Variants in SLCO6A1 observed in about 807,000 individuals in gnomAD.
SLCO6A1 encodes solute carrier organic anion transporter family member 6A1.
SLCO6A1 carries 65 observed loss-of-function variants against 72.7 expected under a neutral mutation model. That is an observed-to-expected ratio of 0.89 (90% confidence interval 0.73 to 1.10). SLCO6A1 has a LOEUF of 1.10. Ranked by LOEUF, SLCO6A1 falls within the 50% of genes least tolerant of loss-of-function variation. The probability of loss-of-function intolerance (pLI) is 0.00; values close to 1 mark genes in which losing one functional copy is unlikely to be tolerated. For missense variants in SLCO6A1, 874 were observed against 872.6 expected (o/e 1.00, Z -0.02); for synonymous variants, 314 against 298.2 (o/e 1.05, Z -0.55).
At chr5:102,450,928 G>T (rs1363765996) in intron 6 of SLCO6A1, among the ~76,000 whole-genome samples, 3 of 152,130 alleles carry the variant, frequency 2.0e-5, no homozygotes, top group Non-Finnish European at 2.9e-5. Flanking sequence ...GATAGTAACC[G>T]TGGTACCACT....
chr5:102,448,633 T>A (rs1750247278), intron 6 of SLCO6A1, among the ~76,000 whole-genome samples: 1 of 152,188 alleles, frequency 6.6e-6, no homozygotes. Context: ...TGCCCCCCTT[T>A]GTCCTTTTTG....
chr5:102,409,086 A>G (rs1263837092), intron 9 of SLCO6A1, among the ~76,000 whole-genome samples: 1 of 152,196 alleles, frequency 6.6e-6, no homozygotes, highest in African/African-American at 2.4e-5. Flanking sequence ...TAATATCTAT[A>G]TAAAGAAATT....
intron 6 of SLCO6A1, among the ~76,000 whole-genome samples, chr5:102,455,918 G>A (rs1750686694): frequency 6.6e-6 from 1 of 152,124 alleles, no homozygotes; most frequent in African/African-American, 2.4e-5. Context: ...TGATCAAGTG[G>A]GCTTCATCCC....
At chr5:102,487,915 A>C (rs138337221) in intron 1 of SLCO6A1, among the ~76,000 whole-genome samples, 42 of 152,330 alleles carry the variant, frequency 2.8e-4, no homozygotes, top group African/African-American at 9.6e-4. Flanking sequence ...ACCACTGTAA[A>C]ACAAGACCAA....
chr5:102,493,636 C>A (rs1184049018), intron 1 of SLCO6A1, among the ~76,000 whole-genome samples: 11 of 152,000 alleles, frequency 7.2e-5, no homozygotes, highest in Admixed American at 7.2e-4. Context: ...TACCAGGGAG[C>A]CTAGCCAGTG....
At chr5:102,478,535 C>G (rs560360873) in intron 2 of SLCO6A1, among the ~76,000 whole-genome samples, 8 of 152,134 alleles carry the variant, frequency 5.3e-5, no homozygotes, top group Non-Finnish European at 7.3e-5. Context: ...AGGCATTATA[C>G]AGTAAACATT....
Position 102,459,643 on chromosome 5 carries a change from A to T in SLCO6A1, c.1021+13T>A. 1.3e-6 allele frequency: 2 copies of T among 1,575,488 alleles called. No homozygotes were observed. The highest frequency in any genetic ancestry group is 2.4e-5 in the South Asian group (2 of 84,362). ...ACTATCCTCCAATTTAATAAATTAC[A>T]TTTTATAGTCACCTGGCATATTGTT... is the stretch of plus-strand genomic sequence containing the variant. On this transcript the variant is annotated intron_variant, in intron 5 of 13. Transcript: ENST00000506729.
chr5:102,373,453 C>T lies in SLCO6A1; in HGVS notation c.2059G>A (p.Ala687Thr). Residue 687 changes from alanine (A) to threonine (T), a missense_variant, in exon 13 of 14, where the codon GCA becomes ACA. Transcript: ENST00000506729. ...AGACGACGTTTGTATATGAAAAATG[C>T]AATAGTAGTGAAGATGATAGTGCAT... ...KLCTIIFTTI[A>T]FFIYKRRLNE... 1 of 1,568,084 alleles carries T rather than the reference C, an allele frequency of 6.4e-7. No homozygotes were observed. Among genetic ancestry groups the T allele is most frequent in the Non-Finnish European group, 8.6e-7 (1 of 1,159,034 alleles).
chr5:102,401,996 C>T (rs1200013716), intron 9 of SLCO6A1, among the ~76,000 whole-genome samples: 3 of 151,804 alleles, frequency 2.0e-5, no homozygotes, highest in Non-Finnish European at 4.4e-5. Flanking sequence ...AAAAATACAA[C>T]GAAGGGTTCA....
At chr5:102,414,031 C>T (rs1268112619) in intron 8 of SLCO6A1, among the ~76,000 whole-genome samples, 2 of 151,956 alleles carry the variant, frequency 1.3e-5, no homozygotes, top group East Asian at 3.9e-4. Flanking sequence ...CTATGGCTTG[C>T]TTTTTCATAC....
chr5:102,388,824 C>A lies in SLCO6A1; in HGVS notation c.1881G>T (p.Gly627=). 1 of 1,591,050 alleles carries A rather than the reference C, an allele frequency of 6.3e-7. No homozygotes were observed. The highest frequency in any genetic ancestry group is 8.5e-7 in the Non-Finnish European group (1 of 1,173,918). ...GVSYVILRIF[G]TIPGPSIFKM... is the part of the protein sequence containing the mutation. ...TAAAGATTGATGGTCCAGGAATAGT[C>A]CCTATGAAAAATGCAATGATTGTAA... is the stretch of plus-strand genomic sequence containing the variant. The change falls in exon 12 of 14, where the codon GGG becomes GGT. Residue 627 remains glycine (G), a splice_region_variant and synonymous_variant. Transcript: ENST00000506729.
At chr5:102,471,794 G>T (rs996147601) in intron 4 of SLCO6A1, among the ~76,000 whole-genome samples, 6 of 151,964 alleles carry the variant, frequency 3.9e-5, no homozygotes, top group Admixed American at 3.9e-4. Flanking sequence ...CATTTGAAGA[G>T]TGATAAGGGA....
At chr5:102,412,588 C>A (rs1008249290) in intron 9 of SLCO6A1, among the ~76,000 whole-genome samples, 2 of 151,892 alleles carry the variant, frequency 1.3e-5, no homozygotes, top group Non-Finnish European at 2.9e-5. Context: ...TGGCAAAAAC[C>A]CATCTCTAAA....
intron 9 of SLCO6A1, among the ~76,000 whole-genome samples, chr5:102,409,026 C>T (rs1747824082): frequency 6.6e-6 from 1 of 151,878 alleles, no homozygotes; most frequent in Non-Finnish European, 1.5e-5. Flanking sequence ...ATATCAGCGG[C>T]TGAAAGGAAT....
At chr5:102,403,721 CA>C (rs1430209005) in intron 9 of SLCO6A1, among the ~76,000 whole-genome samples, 1 of 151,766 alleles carries the variant, frequency 6.6e-6, no homozygotes, top group East Asian at 1.9e-4. Context: ...CTACTTTATC[CA>C]AAAAAGGTGT....
At chr5:102,459,605 GGT>G in intron 5 of SLCO6A1, 49 bp downstream of exon 5, 1 of 1,513,798 alleles carries the variant, frequency 6.6e-7, no homozygotes, top group Non-Finnish European at 8.8e-7. Flanking sequence ...TAAGAACCAT[GGT>G]GGAAGAAACT....
chr5:102,457,833 C>A (rs1160854292), intron 6 of SLCO6A1, among the ~76,000 whole-genome samples: 1 of 152,132 alleles, frequency 6.6e-6, no homozygotes, highest in Non-Finnish European at 1.5e-5. Flanking sequence ...TTCACAATAG[C>A]AAAGACTTGG....
intron 7 of SLCO6A1, among the ~76,000 whole-genome samples, chr5:102,435,853 C>G (rs1749500682): frequency 6.8e-6 from 1 of 146,042 alleles, no homozygotes; most frequent in Non-Finnish European, 1.5e-5. Flanking sequence ...CCAGCCTGGG[C>G]AACAAGAGTG....
Position 102,459,664 on chromosome 5 carries a change from T to C in SLCO6A1, c.1013A>G (p.Asn338Ser), listed in dbSNP as rs748996181. 8 of 1,581,666 alleles carry C rather than the reference T, an allele frequency of 5.1e-6. No homozygotes were observed. In the South Asian group the frequency reaches 9.4e-5, roughly 19 times the overall value. ...TLIPLSCFPN[N>S]MPGSTRIKAR... ...TTACATTTTATAGTCACCTGGCATA[T>C]TGTTTGGAAAGCATGACAATGGTAT... is the stretch of plus-strand genomic sequence containing the variant. Residue 338 changes from asparagine to serine, a missense_variant, in exon 5 of 14, where the codon AAT becomes AGT. Transcript: ENST00000506729.
Sources: allele counts gnomAD v4.1 joint callset (sites outside exome capture counted in the v4.1 genomes callset), GRCh38; gene constraint gnomAD v4.1.1; transcripts MANE v1.5; gene names NCBI Gene and HGNC (gene_info 2026-07-23, HGNC 2026-07-21).